ALK: variants seen among roughly 807,000 people sequenced by gnomAD.
ALK encodes ALK tyrosine kinase receptor.
ALK carries 74 observed loss-of-function variants against 163.1 expected under a neutral mutation model. The ratio of observed to expected loss-of-function variants is 0.45; its 90% CI spans 0.38 to 0.55. ALK has a LOEUF of 0.55. ALK is among the 20% of genes least tolerant of loss of function. The probability of loss-of-function intolerance (pLI) is 0.00; values close to 1 mark genes in which losing one functional copy is unlikely to be tolerated. For synonymous variants in ALK, 960 were observed against 843.2 expected, an observed-to-expected ratio of 1.14 and a Z score of -2.40; for missense variants, 2,063 against 2,105.3, an observed-to-expected ratio of 0.98 and a Z score of 0.39.
intron 1 of ALK, among the ~76,000 whole-genome samples, chr2:29,838,158 T>TATCAAAAC (rs1273273801): frequency 8.6e-5 from 13 of 152,006 alleles, no homozygotes; most frequent in African/African-American, 3.1e-4. Flanking sequence ...TCATAGGAAC[T>TATCAAAAC]ATCAAAACTA....
intron 1 of ALK, among the ~76,000 whole-genome samples, chr2:29,888,223 T>C (rs1044431360): frequency 1.1e-4 from 17 of 149,240 alleles, no homozygotes; most frequent in African/African-American, 4.0e-4. Flanking sequence ...CCTGTAGACA[T>C]TGAGCACATG....
chr2:29,462,341 A>C (rs538935452), intron 4 of ALK, among the ~76,000 whole-genome samples: 5 of 152,314 alleles, frequency 3.3e-5, no homozygotes, highest in Admixed American at 3.3e-4. Context: ...ATCAAACAAC[A>C]ACACATGCTA....
At chr2:29,357,005 T>G (rs1668265738) in intron 5 of ALK, among the ~76,000 whole-genome samples, 1 of 152,136 alleles carries the variant, frequency 6.6e-6, no homozygotes, top group African/African-American at 2.4e-5. Flanking sequence ...TACTCACAGG[T>G]AGTTTGTGAG....
At chr2:29,757,603 G>A (rs567882914) in intron 1 of ALK, among the ~76,000 whole-genome samples, 25 of 151,844 alleles carry the variant, frequency 1.6e-4, no homozygotes, top group African/African-American at 5.8e-4. Context: ...TTGTGTGTGT[G>A]TGTGTGTGTG....
intron 7 of ALK, among the ~76,000 whole-genome samples, chr2:29,319,962 T>C (rs1666965004): frequency 6.6e-6 from 1 of 152,248 alleles, no homozygotes; most frequent in African/African-American, 2.4e-5. Context: ...ATCAGCCCTA[T>C]GCTGCAGAGA....
At chr2:29,412,287 T>C (rs1669743271) in intron 4 of ALK, among the ~76,000 whole-genome samples, 1 of 152,170 alleles carries the variant, frequency 6.6e-6, no homozygotes, top group South Asian at 2.1e-4. Flanking sequence ...AGACAGCAAT[T>C]CAGGAAGGCA....
intron 1 of ALK, among the ~76,000 whole-genome samples, chr2:29,811,285 A>AG (rs1664752208): frequency 6.6e-6 from 1 of 152,132 alleles, no homozygotes; most frequent in Non-Finnish European, 1.5e-5. Context: ...AAGTAGCTTG[A>AG]GGAGGTAGCA....
chr2:29,196,802 TG>T lies in ALK; in HGVS notation c.4131del (p.Ile1378SerfsTer15), dbSNP rs759603448. On this transcript the variant is annotated frameshift_variant, in exon 28 of 29. Transcript: ENST00000389048. LOFTEE classifies it low-confidence loss of function (END_TRUNC). ...CAGTATTCAATCCTCTCCAAAATGA[TG>T]GCAAAGTTGGGCCTGTCTTCAGGCT... ...QHQPEDRPNF[A>X]IILERIEYCT... 6.2e-7 allele frequency: 1 copy of T among 1,614,172 alleles called. No individual in the cohort carries two copies. Among genetic ancestry groups the T allele is most frequent in the South Asian group, 1.1e-5 (1 of 91,088 alleles).
chr2:29,876,921 A>G (rs1201590407), intron 1 of ALK, among the ~76,000 whole-genome samples: 7 of 152,130 alleles, frequency 4.6e-5, no homozygotes, highest in African/African-American at 1.7e-4. Flanking sequence ...CTGTCCCACC[A>G]GTTTTTTCTT....
intron 1 of ALK, among the ~76,000 whole-genome samples, chr2:29,871,698 C>T (rs533340340): frequency 6.6e-6 from 1 of 152,202 alleles, no homozygotes; most frequent in East Asian, 1.9e-4. Context: ...ACATGAGTCC[C>T]CTCCCCCACA....
intron 4 of ALK, among the ~76,000 whole-genome samples, chr2:29,423,780 C>T (rs1670074222): frequency 6.6e-6 from 1 of 152,128 alleles, no homozygotes. Flanking sequence ...GCTGCATTTA[C>T]CTTATATACA....
intron 2 of ALK, among the ~76,000 whole-genome samples, chr2:29,710,820 G>C (rs1426633079): frequency 6.6e-6 from 1 of 152,038 alleles, no homozygotes; most frequent in Admixed American, 6.6e-5. Flanking sequence ...CTCAACCTCA[G>C]TCTTGCTGCT....
At chr2:29,522,422 G>GA (rs1672839375) in intron 4 of ALK, among the ~76,000 whole-genome samples, 1 of 152,138 alleles carries the variant, frequency 6.6e-6, no homozygotes, top group Admixed American at 6.5e-5. Flanking sequence ...AAATTACGGG[G>GA]AATGAAGGAA....
rs116574644 is a variant in ALK, at chr2:29,917,114, T to C, written c.667+2879A>G. 4.6e-3 allele frequency among the ~76,000 whole-genome samples: 708 copies of C among 152,364 alleles called. 8 individuals carry two copies. Among genetic ancestry groups the C allele is most frequent in the African/African-American group, 0.016 (670 of 41,584 alleles). On this transcript the variant is annotated intron_variant, in intron 1 of 28. Transcript: ENST00000389048. ...AACGGTTTTGCTTTCTCCTAACTGG[T>C]GCTTTTTCATTTTTACTATTTTAGT...
At chr2:29,488,850 CTAAGTT>C (rs1270094827) in intron 4 of ALK, among the ~76,000 whole-genome samples, 1 of 152,136 alleles carries the variant, frequency 6.6e-6, no homozygotes, top group Admixed American at 6.5e-5. Context: ...TTGTCTTTGT[CTAAGTT>C]TGTTACTTTG....
At chr2:29,497,150 T>G (rs1015572039) in intron 4 of ALK, among the ~76,000 whole-genome samples, 4 of 152,040 alleles carry the variant, frequency 2.6e-5, no homozygotes, top group Non-Finnish European at 5.9e-5. Context: ...TGGGCGCCTG[T>G]AATCTCAGCT....
intron 1 of ALK, among the ~76,000 whole-genome samples, chr2:29,889,530 T>C (rs1372331664): frequency 1.3e-5 from 2 of 151,922 alleles, no homozygotes; most frequent in Non-Finnish European, 2.9e-5. Context: ...GATAGATAGA[T>C]AGATAGATAG....
At chr2:29,210,694 A>AAAGT (rs751161775) in intron 24 of ALK, among the ~76,000 whole-genome samples, 3 of 152,194 alleles carry the variant, frequency 2.0e-5, no homozygotes, top group Non-Finnish European at 4.4e-5. Context: ...TCGGCCTCCC[A>AAAGT]AAGTTATTAT....
chr2:29,296,937 A>C lies in ALK; in HGVS notation c.1768T>G (p.Leu590Val). The C allele has an allele frequency of 6.2e-7, 1 of 1,614,192 alleles. No individual in the cohort carries two copies. The highest frequency in any genetic ancestry group is 8.5e-7 in the Non-Finnish European group (1 of 1,180,030). Residue 590 changes from leucine to valine, a missense_variant, in exon 9 of 29, where the codon TTG (leucine) becomes GTG (valine). By Grantham distance (32) the Leu-to-Val change is conservative. Around this residue, in one of 5 missense-constraint regions of ALK, gnomAD observed 987 missense variants for 939.5 expected, o/e 1.05. Coordinates refer to ENST00000389048, the MANE Select transcript of ALK (RefSeq NM_004304.5). Reference sequence around the variant, plus strand: ...AACACCATCCACTGCCACAGGCTCAAGCCTTCATAGGCGGCGACATGCCAG... The same window carrying C: ...AACACCATCCACTGCCACAGGCTCACGCCTTCATAGGCGGCGACATGCCAG... ...MVWHVAAYEGLSLWQWMVLPL... is the reference protein window; with the variant it reads ...MVWHVAAYEGVSLWQWMVLPL...
Sources: gnomAD v4.1 joint callset for allele counts (sites outside exome capture counted in the v4.1 genomes callset) on GRCh38, gnomAD v4.1.1 for gene constraint, gnomAD v4.1.1 regional missense constraint, MANE v1.5 for transcripts, NCBI Gene and HGNC (gene_info 2026-07-23, HGNC 2026-07-21) for gene names.